C7orf57: variants seen among roughly 807,000 people sequenced by gnomAD.
C7orf57 encodes chromosome 7 open reading frame 57.
In C7orf57, 33 loss-of-function variants were observed where a neutral mutation model predicts 39.0. The ratio of observed to expected loss-of-function variants is 0.85; its 90% CI spans 0.64 to 1.13. C7orf57 has a LOEUF of 1.13. C7orf57 is among the 50% of genes most tolerant of loss of function. C7orf57 has a pLI of 0.00. For missense variants in C7orf57, 346 were observed against 362.3 expected (o/e 0.95, Z 0.37); for synonymous variants, 124 against 137.1 (o/e 0.90, Z 0.67).
chr7:48,051,550 G>A (rs1002731927), intron 6 of C7orf57, among the ~76,000 whole-genome samples: 7 of 150,792 alleles, frequency 4.6e-5, no homozygotes, highest in Non-Finnish European at 1.0e-4. Flanking sequence ...GTTGGCCAGA[G>A]TGCTCTCGAA....
chr7:48,047,366 A>G (rs112025149), intron 5 of C7orf57, among the ~76,000 whole-genome samples: 57 of 152,372 alleles, frequency 3.7e-4, no homozygotes, highest in African/African-American at 1.4e-3. Context: ...AGTGTTTGAT[A>G]CTGAGAATAA....
chr7:48,052,406 A>G (rs1444759454), intron 6 of C7orf57, among the ~76,000 whole-genome samples: 1 of 152,218 alleles, frequency 6.6e-6, no homozygotes, highest in Admixed American at 6.5e-5. Flanking sequence ...ATTGACTATC[A>G]CAAAGAAAGA....
chr7:48,060,932 T>A lies in C7orf57; in HGVS notation c.*660T>A, dbSNP rs1186587224. The A allele has an allele frequency of 6.6e-6, 1 of 152,162 alleles. No homozygotes were observed. Among genetic ancestry groups the A allele is most frequent in the Non-Finnish European group, 1.5e-5 (1 of 67,992 alleles). The allele number at this position is 152,162 out of a possible 1,614,324, so 9.4% of individuals were successfully genotyped here. The stretch of plus-strand genomic sequence containing the variant: ...TTAATTTAGTAGAATTAACAAAAAC[T>A]TTTTAATAGTCAAACTGAATTACCT... On this transcript the variant is annotated 3_prime_UTR_variant, in exon 9 of 9. Coordinates refer to ENST00000348904, the MANE Select transcript of C7orf57 (RefSeq NM_001100159.3).
Position 48,052,605 on chromosome 7 carries a change from G to T in C7orf57, c.606-95G>T, listed in dbSNP as rs1171692706. On this transcript the variant is annotated intron_variant, in intron 6 of 8. Transcript: ENST00000348904. ...GAGGTTTGTTAGGTTTAAAGGGACA[G>T]TGACACCTCCTATTTGGTGTGTTCA... is the stretch of plus-strand genomic sequence containing the variant. 9 of 1,004,126 alleles carry T rather than the reference G, an allele frequency of 9.0e-6. No homozygotes were observed. The Admixed American group carries it at 1.8e-4, about 20-fold the overall frequency. The allele number at this position is 1,004,126 out of a possible 1,614,324, so 62.2% of individuals were successfully genotyped here.
intron 4 of C7orf57, among the ~76,000 whole-genome samples, chr7:48,043,843 T>C (rs1196111118): frequency 6.6e-6 from 1 of 152,126 alleles, no homozygotes; most frequent in Non-Finnish European, 1.5e-5. Context: ...TAAATTGCAC[T>C]GTAGTGTTAC....
chr7:48,055,127 C>T (rs984096805), intron 8 of C7orf57, among the ~76,000 whole-genome samples: 3 of 152,148 alleles, frequency 2.0e-5, no homozygotes, highest in South Asian at 4.1e-4. Flanking sequence ...CCACCTGCCT[C>T]GGCCTCCGAA....
At chr7:48,052,347 T>A (rs1790979455) in intron 6 of C7orf57, among the ~76,000 whole-genome samples, 1 of 152,116 alleles carries the variant, frequency 6.6e-6, no homozygotes, top group South Asian at 2.1e-4. Context: ...GCATGGTGTT[T>A]TCTTAGGAAG....
chr7:48,045,901 C>A (rs192934711), intron 4 of C7orf57, among the ~76,000 whole-genome samples: 1 of 152,156 alleles, frequency 6.6e-6, no homozygotes. Flanking sequence ...GGAAACAGAG[C>A]ATGTTATTAT....
rs528462699 is a variant in C7orf57 at position 48,035,766 on chromosome 7, G to A, written c.-102+136G>A. The A allele has an allele frequency of 7.2e-5, 42 of 584,530 alleles. No individual in the cohort carries two copies. The highest frequency in any genetic ancestry group is 6.0e-4 in the African/African-American group (31 of 51,430). 36.2% of individuals were successfully genotyped at this position (584,530 alleles called of 1,614,324 possible). A position where few individuals can be genotyped will look rare whatever the true frequency, so the allele number is the denominator to read the frequency against. On this transcript the variant is annotated intron_variant, in intron 1 of 8. Transcript: ENST00000348904. The surrounding 1 kb of genome is among the most constrained non-coding windows in gnomAD (Gnocchi z 4.0). ...GACCACCTTGTCGCCGGGTTGGGATGAGCACAGGGCGGGATCTCCAAGCCT... is the reference window on the plus strand; with the variant it reads ...GACCACCTTGTCGCCGGGTTGGGATAAGCACAGGGCGGGATCTCCAAGCCT...
intron 8 of C7orf57, 87 bp downstream of exon 8, chr7:48,054,693 C>T (rs1423507345): frequency 4.2e-6 from 5 of 1,180,806 alleles, no homozygotes; most frequent in East Asian, 2.6e-5. Flanking sequence ...TCTGAGACTA[C>T]AGCCTCTAGG....
At chr7:48,036,399 G>A in intron 2 of C7orf57, 36 bp downstream of exon 2, 5 of 1,535,368 alleles carry the variant, frequency 3.3e-6, no homozygotes, top group Non-Finnish European at 4.4e-6. Flanking sequence ...GCCAGAAAGA[G>A]CTGGGTGCGT....
intron 2 of C7orf57, among the ~76,000 whole-genome samples, chr7:48,039,195 C>A (rs1383616171): frequency 6.6e-6 from 1 of 152,166 alleles, no homozygotes; most frequent in Non-Finnish European, 1.5e-5. Context: ...AGGACCATTT[C>A]GAACTATGTC....
chr7:48,036,856 A>G (rs1336367482), intron 2 of C7orf57, among the ~76,000 whole-genome samples: 2 of 152,064 alleles, frequency 1.3e-5, no homozygotes. Context: ...AGTGAGGTTC[A>G]TGTCTTCTTA....
At chr7:48,054,332 T>G (rs1386142040) in intron 7 of C7orf57, among the ~76,000 whole-genome samples, 1 of 149,634 alleles carries the variant, frequency 6.7e-6, no homozygotes, top group African/African-American at 2.5e-5. Flanking sequence ...GAGAATCACT[T>G]GAACCCAGGA....
At chr7:48,051,903 CCTTTT>C (rs200884111) in intron 6 of C7orf57, among the ~76,000 whole-genome samples, 11,933 of 117,964 alleles carry the variant, frequency 0.1, 1,338 homozygotes, top group East Asian at 0.27. Flanking sequence ...TTCCTTCCTT[CCTTTT>C]CTTTTCTCTT....
chr7:48,044,252 C>T lies in C7orf57; in HGVS notation c.350+663C>T, dbSNP rs886542896. Among the ~76,000 whole-genome samples the T allele has an allele frequency of 4.6e-5, 7 of 152,142 alleles. No homozygotes were observed. In the East Asian group the frequency reaches 1.4e-3, roughly 29 times the overall value. On this transcript the variant is annotated intron_variant, in intron 4 of 8. Transcript: ENST00000348904. ...AACGGAGGCAATCAGCAGTGGTGGACTGTGAGTGAAAGCTCAGCTCAAGCC... is the reference window on the plus strand; with the variant it reads ...AACGGAGGCAATCAGCAGTGGTGGATTGTGAGTGAAAGCTCAGCTCAAGCC...
At position 48,060,234 on chromosome 7, in the gene C7orf57, G is replaced by C. The variant is rs1261532618; in HGVS notation, c.850G>C (p.Glu284Gln). ...TTTACTTTGTGTTGCAGGCCCAGAA[G>C]AATCTGTATCTGCATCAACACCAGC... is the stretch of plus-strand genomic sequence containing the variant. Reference protein sequence around the residue: ...DTPESSQSPEESVSASTPAEL... With the variant: ...DTPESSQSPEQSVSASTPAEL... Residue 284 changes from glutamate to glutamine, a missense_variant, in exon 9 of 9, where the codon GAA becomes CAA. By Grantham distance (29) the Glu-to-Gln change is conservative. Transcript: ENST00000348904. 1 of 1,535,976 alleles carries C rather than the reference G, an allele frequency of 6.5e-7. No homozygotes were observed. Among genetic ancestry groups the C allele is most frequent in the Non-Finnish European group, 8.8e-7 (1 of 1,135,960 alleles).
intron 2 of C7orf57, among the ~76,000 whole-genome samples, chr7:48,039,311 C>T (rs1321998383): frequency 6.6e-6 from 1 of 152,208 alleles, no homozygotes; most frequent in African/African-American, 2.4e-5. Flanking sequence ...CTGACTGCCA[C>T]AGAGAGTCTG....
At chr7:48,058,731 C>T (rs962378826) in intron 8 of C7orf57, among the ~76,000 whole-genome samples, 7 of 152,128 alleles carry the variant, frequency 4.6e-5, no homozygotes, top group Non-Finnish European at 5.9e-5. Context: ...AATACAAATA[C>T]AGCAGGTACA....
Sources: allele counts gnomAD v4.1 joint callset (sites outside exome capture counted in the v4.1 genomes callset), GRCh38; gene constraint gnomAD v4.1.1; non-coding constraint Gnocchi (gnomAD v3.1); transcripts MANE v1.5; gene names NCBI Gene and HGNC (gene_info 2026-07-23, HGNC 2026-07-21).